The following SLF2 variants were observed in gnomAD, a reference collection of about 807,000 sequenced individuals.
SLF2 encodes the protein SMC5/6 complex localization factor 2.
Under a neutral mutation model 124.3 loss-of-function variants are expected in SLF2, and 68 were observed. The observed-to-expected ratio is 0.55, with a 90% CI of 0.45 to 0.67. The LOEUF is 0.67. SLF2 is among the 30% of genes least tolerant of loss of function. The pLI is 0.00. For missense variants in SLF2, 1,246 were observed against 1,373.7 expected, an observed-to-expected ratio of 0.91 and a Z score of 1.47; for synonymous variants, 480 against 478.8, an observed-to-expected ratio of 1.00 and a Z score of -0.03.
chr10:100,932,522 G>T (rs1426860511), intron 9 of SLF2, among the ~76,000 whole-genome samples: 1 of 152,090 alleles, frequency 6.6e-6, no homozygotes, highest in African/African-American at 2.4e-5. Flanking sequence ...AAGAAATCTC[G>T]TATTTGGTGA....
At chr10:100,952,938 TCAAAAA>T (rs1850248017) in intron 17 of SLF2, among the ~76,000 whole-genome samples, 1 of 152,090 alleles carries the variant, frequency 6.6e-6, no homozygotes, top group South Asian at 2.1e-4. Context: ...AAATTCTGTC[TCAAAAA>T]CAAAAAGTGT....
chr10:100,957,224 A>G (rs1177619358), intron 18 of SLF2, among the ~76,000 whole-genome samples: 1 of 152,070 alleles, frequency 6.6e-6, no homozygotes, highest in Non-Finnish European at 1.5e-5. Context: ...AGTGGCTTTG[A>G]AATTTTATGA....
intron 11 of SLF2, among the ~76,000 whole-genome samples, chr10:100,942,675 C>T (rs373995299): frequency 8.5e-5 from 13 of 152,082 alleles, no homozygotes; most frequent in Non-Finnish European, 1.9e-4. Flanking sequence ...CCCGCCACCA[C>T]GCCAGCCTAA....
At chr10:100,928,068 C>CACACGAGAGACAGA (rs1491324670) in intron 6 of SLF2, among the ~76,000 whole-genome samples, 1 of 59,534 alleles carries the variant, frequency 1.7e-5, no homozygotes, top group African/African-American at 5.6e-5. Context: ...CACACACACA[C>CACACGAGAGACAGA]GAGAGAGAGA....
chr10:100,919,991 A>G (rs1376289157), intron 4 of SLF2, among the ~76,000 whole-genome samples: 1 of 152,248 alleles, frequency 6.6e-6, no homozygotes, highest in Non-Finnish European at 1.5e-5. Flanking sequence ...GGCTGAAACC[A>G]TATTTTACCA....
chr10:100,961,218 G>C (rs1850422528), intron 19 of SLF2, among the ~76,000 whole-genome samples: 2 of 151,812 alleles, frequency 1.3e-5, no homozygotes, highest in Non-Finnish European at 2.9e-5. Context: ...CACCGTGTTA[G>C]CCAGGATGGT....
chr10:100,950,744 T>C lies in SLF2; in HGVS notation c.3321T>C (p.Ser1107=), dbSNP rs751556481. The change falls in exon 17 of 20, where the codon TCT becomes TCC. Residue 1107 remains serine (S), a synonymous_variant. Transcript: ENST00000238961. ...GEVSCSHSFS[S]GQRKHFVLLC... is the part of the protein sequence containing the mutation. ...TTAGTTGTTCTCATTCTTTTTCTTC[T>C]GGACAACGGGTAGGTAGTGTTTAGT... 3.1e-6 allele frequency: 5 copies of C among 1,613,672 alleles called. No homozygotes were observed. In the East Asian group the frequency reaches 1.1e-4, roughly 36 times the overall value.
In SLF2 at chr10:100,925,906, A is replaced by C. The variant is rs1217167805; in HGVS notation, c.1972-43A>C. 17 of 1,521,178 alleles carry C rather than the reference A, an allele frequency of 1.1e-5. No homozygotes were observed. The East Asian group carries it at 3.8e-4, about 34-fold the overall frequency. 94.2% of individuals were successfully genotyped at this position (1,521,178 alleles called of 1,614,324 possible). A position where few individuals can be genotyped will look rare whatever the true frequency, so the allele number is the denominator to read the frequency against. On this transcript the variant is annotated intron_variant, in intron 5 of 19. Transcript: ENST00000238961. Reference sequence around the variant, plus strand: ...TTACTTAAAACATCCCAGTTCTTCTACTAAGACATGTGGTAAAGTATTTCT... The same window carrying C: ...TTACTTAAAACATCCCAGTTCTTCTCCTAAGACATGTGGTAAAGTATTTCT...
At position 100,950,696 on chromosome 10, in the gene SLF2, T is replaced by C. The variant is rs1368153557; in HGVS notation, c.3273T>C (p.Ile1091=). The C allele has an allele frequency of 6.2e-7, 1 of 1,613,916 alleles. No individual in the cohort carries two copies. The highest frequency in any genetic ancestry group is 1.3e-5 in the African/African-American group (1 of 75,056). The change falls in exon 17 of 20, where the codon ATT becomes ATC. Residue 1091 remains isoleucine (I), a synonymous_variant. Transcript: ENST00000238961. ...AACAGGCATATTACCTGACCTACATTCTTCTTCATTTAGTCGGTGAAGTTA... is the reference window on the plus strand; with the variant it reads ...AACAGGCATATTACCTGACCTACATCCTTCTTCATTTAGTCGGTGAAGTTA... ...LEKQAYYLTY[I]LLHLVGEVSC... is the part of the protein sequence containing the mutation.
chr10:100,921,180 GT>G (rs1355668208), intron 4 of SLF2, among the ~76,000 whole-genome samples: 1 of 152,098 alleles, frequency 6.6e-6, no homozygotes, highest in Non-Finnish European at 1.5e-5. Context: ...AGTACATTTC[GT>G]AACTGATTAA....
intron 6 of SLF2, chr10:100,926,545 G>A (rs973555025): frequency 8.3e-6 from 2 of 240,168 alleles, no homozygotes; most frequent in Admixed American, 5.5e-5. Context: ...GGTCAAGGCT[G>A]TAGTGAGCTG....
intron 15 of SLF2, among the ~76,000 whole-genome samples, chr10:100,948,900 T>C (rs1826586224): frequency 1.3e-5 from 2 of 152,062 alleles, no homozygotes; most frequent in South Asian, 4.1e-4. Flanking sequence ...AAAAGCCCCA[T>C]AGAACCTGAT....
chr10:100,937,979 G>T (rs932389786), intron 10 of SLF2, among the ~76,000 whole-genome samples: 2 of 152,126 alleles, frequency 1.3e-5, no homozygotes, highest in African/African-American at 4.8e-5. Flanking sequence ...TACTTGCATT[G>T]AGAAAAAGAA....
In SLF2 at chr10:100,960,992, G is replaced by GTAC. The variant is rs1344229997; in HGVS notation, c.3487-883_3487-881dup. Among the ~76,000 whole-genome samples the GTAC allele has an allele frequency of 6.5e-4, 65 of 100,268 alleles. 4 individuals are homozygous for GTAC. The highest frequency in any genetic ancestry group is 1.3e-3 in the African/African-American group (36 of 27,182). 65.8% of individuals were successfully genotyped at this position (100,268 alleles called of 152,430 possible). On this transcript the variant is annotated intron_variant, in intron 19 of 19. Coordinates refer to ENST00000238961, the MANE Select transcript of SLF2 (RefSeq NM_018121.4). ...TCTGGAGTGAGAACTGAGATATTCT[G>GTAC]TACTTCTTTTTTTTTTTTTTTTTTT...
chr10:100,955,405 T>A (rs552725208), intron 17 of SLF2, among the ~76,000 whole-genome samples: 1 of 152,266 alleles, frequency 6.6e-6, no homozygotes, highest in Non-Finnish European at 1.5e-5. Context: ...ATTTAACCAT[T>A]ATACCTTGGC....
chr10:100,933,244 A>T (rs973016858), intron 9 of SLF2, among the ~76,000 whole-genome samples: 2 of 152,368 alleles, frequency 1.3e-5, no homozygotes, highest in South Asian at 4.1e-4. Context: ...GCCCATTGTT[A>T]TAGCCATTCA....
intron 17 of SLF2, among the ~76,000 whole-genome samples, chr10:100,955,366 C>T (rs1421874265): frequency 6.6e-6 from 1 of 152,040 alleles, no homozygotes; most frequent in Non-Finnish European, 1.5e-5. Context: ...TATTTGTCAA[C>T]AAATGTTAGC....
Position 100,916,702 on chromosome 10 carries a change from C to G in SLF2, c.317C>G (p.Pro106Arg). 6.4e-7 allele frequency: 1 copy of G among 1,551,414 alleles called. No homozygotes were observed. The highest frequency in any genetic ancestry group is 8.6e-7 in the Non-Finnish European group (1 of 1,156,308). ...PKESKPKRVP[P>R]EKSPIIEAFM... is the part of the protein sequence containing the mutation. ...GAATCTAAACCCAAAAGGGTGCCAC[C>G]AGAAAAGAGCCCTATTATAGAAGCT... is the stretch of plus-strand genomic sequence containing the variant. The change falls in exon 3 of 20, where the codon CCA (proline) becomes CGA (arginine). Residue 106 changes from proline (P) to arginine (R), a missense_variant. Pro to Arg is a moderately radical substitution (Grantham distance 103). Around this residue, in one of 3 missense-constraint regions of SLF2, gnomAD observed 698 missense variants for 708.9 expected, o/e 0.98. Transcript: ENST00000238961.
Position 100,912,993 on chromosome 10 carries a change from G to C in SLF2, c.-118G>C. ...CGAAGAGAGAACCGCCATGAAGAGAGAAGGGGGTGCCGCCCACCTCTGCTC... is the reference window on the plus strand; with the variant it reads ...CGAAGAGAGAACCGCCATGAAGAGACAAGGGGGTGCCGCCCACCTCTGCTC... On this transcript the variant is annotated 5_prime_UTR_variant, in exon 1 of 20. Coordinates refer to ENST00000238961, the MANE Select transcript of SLF2 (RefSeq NM_018121.4). 8.9e-7 allele frequency: 1 copy of C among 1,124,534 alleles called. No homozygotes were observed. The highest frequency in any genetic ancestry group is 1.3e-6 in the Non-Finnish European group (1 of 791,534). 69.7% of individuals were successfully genotyped at this position (1,124,534 alleles called of 1,614,324 possible).
Sources: gnomAD v4.1 joint callset for allele counts (sites outside exome capture counted in the v4.1 genomes callset) on GRCh38, gnomAD v4.1.1 for gene constraint, gnomAD v4.1.1 regional missense constraint, MANE v1.5 for transcripts, NCBI Gene and HGNC (gene_info 2026-07-23, HGNC 2026-07-21) for gene names.